LVRN: variants seen among roughly 807,000 people sequenced by gnomAD.
LVRN encodes aminopeptidase Q.
A neutral mutation model predicts 111.4 loss-of-function variants in LVRN; 99 were observed. The observed-to-expected ratio is 0.89, with a 90% confidence interval of 0.76 to 1.05. The LOEUF (loss-of-function observed/expected upper bound fraction) is 1.05. Ranked by LOEUF, LVRN falls within the 50% of genes least tolerant of loss-of-function variation. The probability of loss-of-function intolerance (pLI) is 0.00; values close to 1 mark genes in which losing one functional copy is unlikely to be tolerated. For synonymous variants in LVRN, 488 were observed against 449.5 expected (o/e 1.09, Z -1.08); for missense variants, 1,414 against 1,206.8 (o/e 1.17, Z -2.54).
chr5:115,987,016 T>G (rs1183854179), intron 3 of LVRN, among the ~76,000 whole-genome samples: 2 of 151,856 alleles, frequency 1.3e-5, no homozygotes, highest in South Asian at 4.2e-4. Context: ...TGCTGGCAAT[T>G]CTATTAAAAA....
Position 116,014,523 on chromosome 5 carries a change from A to C in LVRN, c.2446A>C (p.Asn816His). The change falls in exon 16 of 20, where the codon AAT (asparagine) becomes CAT (histidine). Residue 816 changes from asparagine (N) to histidine (H), a missense_variant. Coordinates refer to ENST00000357872, the MANE Select transcript of LVRN (RefSeq NM_173800.5). ...CGCAAAATGGGTGGATCATCCAGAA[A>C]ATGAGTAAGAGTAATATCATAATTC... is the stretch of plus-strand genomic sequence containing the variant. The part of the protein sequence containing the change: ...LFAKWVDHPE[N>H]EIPYPIKDVV... 6.2e-7 allele frequency: 1 copy of C among 1,611,324 alleles called. No individual in the cohort carries two copies. The highest frequency in any genetic ancestry group is 1.1e-5 in the South Asian group (1 of 90,978).
intron 4 of LVRN, among the ~76,000 whole-genome samples, chr5:115,989,122 A>G (rs1747929361): frequency 6.6e-6 from 1 of 152,152 alleles, no homozygotes; most frequent in Non-Finnish European, 1.5e-5. Flanking sequence ...CATCCTTTAT[A>G]TGAAACCAGA....
At position 115,963,088 on chromosome 5, in the gene LVRN, G is replaced by C; in HGVS notation, c.471G>C (p.Glu157Asp). Reference sequence around the variant, plus strand: ...TCTTCCAGGACTGCGAGCGCGCCGAGGTGCGGGGACCCCTTTCCCCGGGCA... The same window carrying C: ...TCTTCCAGGACTGCGAGCGCGCCGACGTGCGGGGACCCCTTTCCCCGGGCA... The part of the protein sequence containing the change: ...HSLFQDCERA[E>D]VRGPLSPGTG... Residue 157 changes from glutamate (E) to aspartate (D), a missense_variant, in exon 1 of 20, where the codon GAG becomes GAC. By Grantham distance (45) the Glu-to-Asp change is conservative (BLOSUM62 2). Transcript: ENST00000357872. 2 of 1,613,638 alleles carry C rather than the reference G, an allele frequency of 1.2e-6. No individual in the cohort carries two copies. The highest frequency in any genetic ancestry group is 1.7e-6 in the Non-Finnish European group (2 of 1,179,972).
intron 4 of LVRN, among the ~76,000 whole-genome samples, chr5:115,991,800 A>G (rs1330395025): frequency 6.6e-6 from 1 of 152,118 alleles, no homozygotes; most frequent in Non-Finnish European, 1.5e-5. Context: ...CCATTTATAT[A>G]TCTTCTTTAG....
At chr5:116,007,754 A>C (rs1213109559) in intron 13 of LVRN, among the ~76,000 whole-genome samples, 6 of 152,238 alleles carry the variant, frequency 3.9e-5, no homozygotes, top group African/African-American at 1.4e-4. Flanking sequence ...ACTCTGAGTC[A>C]AGCAAGTCTA....
chr5:115,984,349 G>T (rs1237566768), intron 2 of LVRN, among the ~76,000 whole-genome samples: 1 of 152,100 alleles, frequency 6.6e-6, no homozygotes. Flanking sequence ...CCTCAATCAA[G>T]TCTATATTAT....
At chr5:116,017,278 G>T (rs1182590225) in intron 18 of LVRN, among the ~76,000 whole-genome samples, 1 of 152,192 alleles carries the variant, frequency 6.6e-6, no homozygotes, top group African/African-American at 2.4e-5. Flanking sequence ...TCAGAGAGAA[G>T]GACAGGGGTT....
chr5:115,967,127 TA>T (rs1341428693), intron 1 of LVRN, among the ~76,000 whole-genome samples: 4 of 152,284 alleles, frequency 2.6e-5, no homozygotes, highest in Admixed American at 6.5e-5. Context: ...TTTCAGAGAA[TA>T]AAAGTTTTAA....
At position 116,003,934 on chromosome 5, in the gene LVRN, G is replaced by A. The variant is rs7707938; in HGVS notation, c.2037+554G>A. ...TGCTTTTCCAAAACAACCTTTCCAG[G>A]TAAGAATCAGGATGCATTTTCCTAT... On this transcript the variant is annotated intron_variant, in intron 12 of 19. Coordinates refer to ENST00000357872, the MANE Select transcript of LVRN (RefSeq NM_173800.5). Among the ~76,000 whole-genome samples, 570 of 152,206 alleles carry A rather than the reference G, an allele frequency of 3.7e-3. 1 individual carries two copies. Among genetic ancestry groups the A allele is most frequent in the African/African-American group, 0.013 (539 of 41,540 alleles).
intron 3 of LVRN, among the ~76,000 whole-genome samples, chr5:115,986,632 T>C (rs185200626): frequency 2.0e-5 from 3 of 152,168 alleles, no homozygotes; most frequent in Non-Finnish European, 4.4e-5. Context: ...GGAACAAAAA[T>C]GTACACTTGG....
intron 4 of LVRN, among the ~76,000 whole-genome samples, chr5:115,991,604 G>A (rs912485608): frequency 1.3e-5 from 2 of 152,144 alleles, no homozygotes; most frequent in African/African-American, 4.8e-5. Flanking sequence ...TATAGTGACT[G>A]TACCATTTTG....
chr5:115,999,497 G>A (rs190580029), intron 6 of LVRN, among the ~76,000 whole-genome samples: 2 of 152,300 alleles, frequency 1.3e-5, no homozygotes, highest in Non-Finnish European at 2.9e-5. Flanking sequence ...GGAAATGTAG[G>A]TGGCTTTTGG....
At chr5:116,006,705 C>T (rs1243335733) in intron 13 of LVRN, among the ~76,000 whole-genome samples, 1 of 152,166 alleles carries the variant, frequency 6.6e-6, no homozygotes, top group Non-Finnish European at 1.5e-5. Flanking sequence ...CTCATTCACT[C>T]TAGGGTTTTG....
chr5:116,022,495 A>ATT, intron 19 of LVRN, 29 bp downstream of exon 19: 1 of 1,451,896 alleles, frequency 6.9e-7, no homozygotes, highest in Non-Finnish European at 9.4e-7. Flanking sequence ...ATGAAATACA[A>ATT]TGATAATTTG....
chr5:115,993,109 T>C (rs892346173), intron 5 of LVRN, among the ~76,000 whole-genome samples: 4 of 152,210 alleles, frequency 2.6e-5, no homozygotes, highest in African/African-American at 9.6e-5. Context: ...ATAGCTGTTA[T>C]AAGAATTTGG....
intron 4 of LVRN, among the ~76,000 whole-genome samples, chr5:115,989,608 TG>T (rs745926498): frequency 1.2e-4 from 18 of 152,144 alleles, no homozygotes; most frequent in Non-Finnish European, 2.5e-4. Context: ...GGCAGTCAGG[TG>T]GTCAACAGTA....
intron 18 of LVRN, chr5:116,021,881 G>T (rs981315011): frequency 3.0e-6 from 1 of 329,270 alleles, no homozygotes; most frequent in Non-Finnish European, 5.9e-6. Context: ...CAAGCACAGG[G>T]AGAGCCATGG....
intron 12 of LVRN, among the ~76,000 whole-genome samples, chr5:116,003,700 G>A (rs1322737562): frequency 2.0e-5 from 3 of 151,612 alleles, no homozygotes; most frequent in Admixed American, 6.6e-5. Context: ...TCCTGCCTCA[G>A]CCTCCGGAGT....
intron 9 of LVRN, 34 bp from the exon 10 acceptor site, chr5:116,001,033 C>A (rs752385594): frequency 1.9e-6 from 3 of 1,564,634 alleles, no homozygotes; most frequent in African/African-American, 1.4e-5. Flanking sequence ...TCACGGATAA[C>A]CTTACCTGCC....
Sources: allele counts gnomAD v4.1 joint callset (sites outside exome capture counted in the v4.1 genomes callset), GRCh38; gene constraint gnomAD v4.1.1; transcripts MANE v1.5; gene names NCBI Gene and HGNC (gene_info 2026-07-23, HGNC 2026-07-21).